Variants in NAA35 observed in about 807,000 individuals in gnomAD.
NAA35 encodes MAK10 homolog, amino-acid N-acetyltransferase subunit.
In NAA35, 18 loss-of-function variants were observed where a neutral mutation model predicts 101.7. The ratio of observed to expected loss-of-function variants is 0.18; its 90% CI spans 0.12 to 0.26. The LOEUF (loss-of-function observed/expected upper bound fraction) is 0.26, where lower values mean the gene tolerates loss of function less well. Among genes scored for constraint, NAA35 ranks in the 10% least tolerant of loss-of-function variants. NAA35 has a pLI of 1.00. For missense variants in NAA35, 601 were observed against 886.8 expected, an observed-to-expected ratio of 0.68 and a Z score of 4.09; for synonymous variants, 267 against 273.1, an observed-to-expected ratio of 0.98 and a Z score of 0.22.
chr9:85,954,846 C>T (rs1173945857), intron 2 of NAA35, among the ~76,000 whole-genome samples: 1 of 152,128 alleles, frequency 6.6e-6, no homozygotes, highest in East Asian at 1.9e-4. Flanking sequence ...ATGGCAAGTT[C>T]CTGGGTTCCC....
chr9:86,008,167 AT>A (rs1247482345), intron 14 of NAA35, among the ~76,000 whole-genome samples: 3 of 152,152 alleles, frequency 2.0e-5, no homozygotes, highest in African/African-American at 7.2e-5. Flanking sequence ...GGTTCAAGAG[AT>A]TCTCCCACAT....
chr9:86,013,977 T>C, intron 17 of NAA35, 80 bp downstream of exon 17: 1 of 1,154,802 alleles, frequency 8.7e-7, no homozygotes. Flanking sequence ...TTCAGGGTAC[T>C]TTTTCATTTA....
chr9:86,020,784 C>T, intron 21 of NAA35, 105 bp from the exon 22 acceptor site: 1 of 770,314 alleles, frequency 1.3e-6, no homozygotes. Flanking sequence ...GAGCCGTGTT[C>T]TTACCACTGT....
intron 12 of NAA35, among the ~76,000 whole-genome samples, chr9:86,002,237 CT>C (rs1831446021): frequency 6.6e-6 from 1 of 151,964 alleles, no homozygotes; most frequent in South Asian, 2.1e-4. Flanking sequence ...CCTTTTTAGC[CT>C]GATGGGGATC....
Position 85,946,120 on chromosome 9 carries a change from A to T in NAA35, c.124+3837A>T, listed in dbSNP as rs543504993. On this transcript the variant is annotated intron_variant, in intron 2 of 22. Coordinates refer to ENST00000361671, the MANE Select transcript of NAA35 (RefSeq NM_024635.4). ...CACTTCTAGGCTTGCTTTCTTAAAA[A>T]AAAAATTAGTAAGTTAAATTTTTTT... Among the ~76,000 whole-genome samples, 33 of 152,190 alleles carry T rather than the reference A, an allele frequency of 2.2e-4. No homozygotes were observed. The South Asian group carries it at 4.4e-3, about 20-fold the overall frequency.
intron 6 of NAA35, among the ~76,000 whole-genome samples, chr9:85,969,743 T>A (rs1829921053): frequency 6.6e-6 from 1 of 151,906 alleles, no homozygotes; most frequent in Admixed American, 6.6e-5. Flanking sequence ...TACACCTCTG[T>A]AGTCCCAGCC....
intron 19 of NAA35, 145 bp downstream of exon 19, chr9:86,017,710 C>T (rs1832298105): frequency 1.4e-6 from 1 of 696,268 alleles, no homozygotes; most frequent in African/African-American, 1.8e-5. Flanking sequence ...CCTTTATTAT[C>T]ATTAATTTTT....
chr9:85,977,292 A>G, intron 9 of NAA35, 71 bp from the exon 10 acceptor site: 1 of 1,017,998 alleles, frequency 9.8e-7, no homozygotes, highest in Non-Finnish European at 1.6e-6. Context: ...TTAGGAGTTA[A>G]TATATTTTAA....
chr9:86,011,236 T>C (rs979101959), intron 15 of NAA35, among the ~76,000 whole-genome samples: 27 of 150,860 alleles, frequency 1.8e-4, no homozygotes, highest in African/African-American at 6.5e-4. Context: ...CAAAACTGTC[T>C]CAAAAAAAAA....
rs531228373 is a variant in NAA35 at position 85,958,087 on chromosome 9, A to G, written c.159-385A>G. On this transcript the variant is annotated intron_variant, in intron 3 of 22. Transcript: ENST00000361671. The stretch of plus-strand genomic sequence containing the variant: ...CTCCCAAGTAGCTGGGATTACAGAC[A>G]TGCACCACCACACCCAGCTAATTTT... Among the ~76,000 whole-genome samples the G allele has an allele frequency of 2.0e-5, 3 of 151,936 alleles. No individual in the cohort carries two copies. The South Asian group carries it at 6.2e-4, about 32-fold the overall frequency.
At chr9:86,003,343 T>C (rs1831496479) in intron 12 of NAA35, among the ~76,000 whole-genome samples, 2 of 152,230 alleles carry the variant, frequency 1.3e-5, no homozygotes, top group South Asian at 2.1e-4. Context: ...AATTTAATAT[T>C]GGTATCCACA....
intron 2 of NAA35, 73 bp downstream of exon 2, chr9:85,942,356 C>T (rs1001661302): frequency 1.3e-6 from 2 of 1,550,614 alleles, no homozygotes; most frequent in Admixed American, 2.0e-5. Context: ...TCTAAACTTA[C>T]CTCATTAGAT....
At chr9:85,958,375 T>C (rs1829365747) in intron 3 of NAA35, 97 bp from the exon 4 acceptor site, 8 of 642,914 alleles carry the variant, frequency 1.2e-5, no homozygotes, top group African/African-American at 3.7e-5. Flanking sequence ...TAGAATACTT[T>C]AGTTATTAAA....
intron 2 of NAA35, among the ~76,000 whole-genome samples, chr9:85,952,282 T>TG (rs1246182753): frequency 2.1e-4 from 31 of 149,076 alleles, no homozygotes; most frequent in African/African-American, 7.0e-4. Flanking sequence ...TGTGCAAGTG[T>TG]TTTTTGTTTT....
At chr9:85,987,910 G>A (rs1830720473) in intron 11 of NAA35, among the ~76,000 whole-genome samples, 1 of 152,236 alleles carries the variant, frequency 6.6e-6, no homozygotes, top group Non-Finnish European at 1.5e-5. Flanking sequence ...CACAGGTGTG[G>A]AGTACACAAG....
chr9:86,021,724 T>C (rs1449490306), intron 22 of NAA35, among the ~76,000 whole-genome samples, 177 bp from the exon 23 acceptor site: 2 of 152,228 alleles, frequency 1.3e-5, no homozygotes, highest in African/African-American at 4.8e-5. Context: ...AACAAATTAA[T>C]CGTTTTTCTT....
At chr9:85,997,738 C>T (rs960558995) in intron 12 of NAA35, among the ~76,000 whole-genome samples, 2 of 152,168 alleles carry the variant, frequency 1.3e-5, no homozygotes, top group African/African-American at 4.8e-5. Context: ...TCCATCTTGG[C>T]CTCCCAAAGT....
chr9:85,941,492 C>G (rs1334880928), intron 1 of NAA35: 2 of 985,418 alleles, frequency 2.0e-6, no homozygotes, highest in Non-Finnish European at 2.4e-6. Flanking sequence ...CGGCGCCGGA[C>G]GTGCCCGCCC....
In NAA35 at chr9:85,978,331, A is replaced by G. The variant is rs1369261710; in HGVS notation, c.827A>G (p.His276Arg). 1.2e-6 allele frequency: 2 copies of G among 1,613,514 alleles called. No individual in the cohort carries two copies. The highest frequency in any genetic ancestry group is 1.7e-6 in the Non-Finnish European group (2 of 1,179,552). ...VQAADLLSAIHNSLHHGIQAQ... is the reference protein window; with the variant it reads ...VQAADLLSAIRNSLHHGIQAQ... ...GCAGCAGATCTTCTTTCTGCCATTC[A>G]TAATTCATTGCATCATGGCATCCAG... The change falls in exon 11 of 23, where the codon CAT (histidine) becomes CGT (arginine). Residue 276 changes from histidine to arginine, a missense_variant. Physicochemically the swap from His to Arg is conservative, Grantham distance 29 (BLOSUM62 0). Transcript: ENST00000361671.
Sources: gnomAD v4.1 joint callset for allele counts (sites outside exome capture counted in the v4.1 genomes callset) on GRCh38, gnomAD v4.1.1 for gene constraint, MANE v1.5 for transcripts, NCBI Gene and HGNC (gene_info 2026-07-23, HGNC 2026-07-21) for gene names.